Variants in CACNA1E observed in about 807,000 individuals in gnomAD.
CACNA1E encodes voltage-dependent R-type calcium channel subunit alpha-1E.
In CACNA1E, 40 loss-of-function variants were observed where a neutral mutation model predicts 259.2. That is an observed-to-expected ratio of 0.15 (90% confidence interval 0.12 to 0.20). The LOEUF (loss-of-function observed/expected upper bound fraction) is 0.20. CACNA1E is among the 10% of genes least tolerant of loss of function. The pLI, the probability that CACNA1E is intolerant of heterozygous loss-of-function variation, is 1.00. For synonymous variants in CACNA1E, 1,104 were observed against 1,138.5 expected (o/e 0.97, Z 0.61); for missense variants, 1,874 against 3,040.1 (o/e 0.62, Z 9.02).
intron 1 of CACNA1E, among the ~76,000 whole-genome samples, chr1:181,356,348 G>A (rs939558496): frequency 2.0e-5 from 3 of 152,024 alleles, no homozygotes; most frequent in Non-Finnish European, 4.4e-5. Context: ...ATTCGTGTGT[G>A]TGTGTGTGTG....
At chr1:181,434,768 A>T (rs574150962) in intron 2 of CACNA1E, among the ~76,000 whole-genome samples, 3 of 152,222 alleles carry the variant, frequency 2.0e-5, no homozygotes, top group African/African-American at 7.2e-5. Context: ...CCACCTGGTC[A>T]GGGAACACTT....
chr1:181,425,668 G>T (rs930516488), intron 2 of CACNA1E, among the ~76,000 whole-genome samples: 3 of 151,384 alleles, frequency 2.0e-5, no homozygotes, highest in African/African-American at 7.3e-5. Context: ...GGAGGTGGGC[G>T]TGGGGCACCC....
intron 1 of CACNA1E, among the ~76,000 whole-genome samples, chr1:181,355,458 C>A (rs561845579): frequency 6.6e-6 from 1 of 152,130 alleles, no homozygotes; most frequent in African/African-American, 2.4e-5. Context: ...CATGATGGCA[C>A]GTGCCTGTAA....
At position 181,803,192 on chromosome 1, in the gene CACNA1E, C is replaced by G. The variant is rs966373672; in HGVS notation, c.*4358C>G. On this transcript the variant is annotated 3_prime_UTR_variant, in exon 48 of 48. Coordinates refer to ENST00000367573, the MANE Select transcript of CACNA1E (RefSeq NM_001205293.3). Reference sequence around the variant, plus strand: ...GCCTACAAGTCCTTCTCTCATAGATCCCAGAGCAATGGGCACCGTCCAGGA... The same window carrying G: ...GCCTACAAGTCCTTCTCTCATAGATGCCAGAGCAATGGGCACCGTCCAGGA... 2 of 152,122 alleles carry G rather than the reference C, an allele frequency of 1.3e-5. No individual in the cohort carries two copies. Among genetic ancestry groups the G allele is most frequent in the African/African-American group, 4.8e-5 (2 of 41,392 alleles). The allele number at this position is 152,122 out of a possible 1,614,324, so 9.4% of individuals were successfully genotyped here. A position where few individuals can be genotyped will look rare whatever the true frequency, so the allele number is the denominator to read the frequency against.
At chr1:181,656,735 T>C (rs1659238547) in intron 7 of CACNA1E, among the ~76,000 whole-genome samples, 1 of 152,240 alleles carries the variant, frequency 6.6e-6, no homozygotes, top group African/African-American at 2.4e-5. Context: ...GCTCCATTCA[T>C]GGTAAGTGCT....
intron 2 of CACNA1E, among the ~76,000 whole-genome samples, chr1:181,438,740 A>C (rs1053013602): frequency 6.6e-6 from 1 of 152,254 alleles, no homozygotes; most frequent in Non-Finnish European, 1.5e-5. Flanking sequence ...TGGTGGGAGC[A>C]TAACTGGTAC....
At chr1:181,428,906 G>C (rs369391747) in intron 2 of CACNA1E, among the ~76,000 whole-genome samples, 1 of 152,214 alleles carries the variant, frequency 6.6e-6, no homozygotes, top group Admixed American at 6.5e-5. Context: ...AGGAGGCCGG[G>C]TGCGGTGGCT....
intron 25 of CACNA1E, among the ~76,000 whole-genome samples, chr1:181,742,769 G>A (rs1656698707): frequency 6.6e-6 from 1 of 152,172 alleles, no homozygotes; most frequent in African/African-American, 2.4e-5. Flanking sequence ...CACCATGTAT[G>A]TTTTCTACAA....
chr1:181,578,603 T>C (rs933879854), intron 4 of CACNA1E, among the ~76,000 whole-genome samples: 1 of 152,222 alleles, frequency 6.6e-6, no homozygotes, highest in African/African-American at 2.4e-5. Context: ...ATGATTTATT[T>C]AGCCATTTTT....
intron 2 of CACNA1E, among the ~76,000 whole-genome samples, chr1:181,428,157 G>A (rs150071251): frequency 5.9e-5 from 9 of 152,230 alleles, no homozygotes; most frequent in East Asian, 5.8e-4. Context: ...CTCACTCTCC[G>A]GAGGACTGGC....
chr1:181,739,432 C>G (rs911566106), intron 25 of CACNA1E, among the ~76,000 whole-genome samples, 179 bp downstream of exon 25: 1 of 152,148 alleles, frequency 6.6e-6, no homozygotes, highest in African/African-American at 2.4e-5. Context: ...CTCCAGCTCA[C>G]GTGACCTGAG....
chr1:181,499,223 T>C (rs1376695913), intron 1 of CACNA1E, among the ~76,000 whole-genome samples: 5 of 152,216 alleles, frequency 3.3e-5, no homozygotes, highest in African/African-American at 7.2e-5. Context: ...GGCTCTTCAG[T>C]AGCCCTAAGA....
At chr1:181,431,482 CAGTTAAA>C (rs1186139405) in intron 2 of CACNA1E, among the ~76,000 whole-genome samples, 27 of 152,276 alleles carry the variant, frequency 1.8e-4, no homozygotes, top group African/African-American at 6.3e-4. Flanking sequence ...GGGTTGCAGA[CAGTTAAA>C]AGTTAAAGAA....
chr1:181,566,268 C>T (rs191882994), intron 3 of CACNA1E, among the ~76,000 whole-genome samples: 32 of 152,322 alleles, frequency 2.1e-4, no homozygotes, highest in Admixed American at 1.2e-3. Flanking sequence ...TCTCAGTGAC[C>T]TGGAGCTAGC....
chr1:181,631,958 A>C (rs920183064), intron 6 of CACNA1E, among the ~76,000 whole-genome samples: 4 of 152,210 alleles, frequency 2.6e-5, no homozygotes, highest in Non-Finnish European at 5.9e-5. Flanking sequence ...ACTGGAACTC[A>C]GATTTTCAGG....
At chr1:181,681,414 G>T (rs905422037) in intron 7 of CACNA1E, among the ~76,000 whole-genome samples, 2 of 152,102 alleles carry the variant, frequency 1.3e-5, no homozygotes, top group Non-Finnish European at 2.9e-5. Context: ...TCCTTATCTG[G>T]TCTGCAAATT....
In CACNA1E at chr1:181,483,574, C is replaced by G. The variant is rs1234343449; in HGVS notation, c.-171C>G. Reference sequence around the variant, plus strand: ...ATTTAGATTCAACAGTTCACAGCGGCGGGCTGCTGCTGCTGCCTCTCCGAA... The same window carrying G: ...ATTTAGATTCAACAGTTCACAGCGGGGGGCTGCTGCTGCTGCCTCTCCGAA... On this transcript the variant is annotated 5_prime_UTR_variant, in exon 1 of 48. Transcript: ENST00000367573. 7.1e-6 allele frequency: 3 copies of G among 419,876 alleles called. No individual in the cohort carries two copies. The highest frequency in any genetic ancestry group is 1.3e-5 in the Non-Finnish European group (3 of 237,054). The allele number at this position is 419,876 out of a possible 1,614,324, so 26.0% of individuals were successfully genotyped here.
intron 3 of CACNA1E, among the ~76,000 whole-genome samples, chr1:181,545,879 TC>T (rs1647395679): frequency 6.6e-6 from 1 of 152,154 alleles, no homozygotes; most frequent in African/African-American, 2.4e-5. Flanking sequence ...TCTTTGCTGT[TC>T]CTTCAGGAGT....
At chr1:181,725,011 TCAATGAAGCC>T (rs1654767493) in intron 17 of CACNA1E, among the ~76,000 whole-genome samples, 2 of 152,336 alleles carry the variant, frequency 1.3e-5, no homozygotes, top group South Asian at 4.1e-4. Flanking sequence ...TGGGGAAATT[TCAATGAAGCC>T]AGATACTAAA....
Sources: allele counts gnomAD v4.1 joint callset (sites outside exome capture counted in the v4.1 genomes callset), GRCh38; gene constraint gnomAD v4.1.1; transcripts MANE v1.5; gene names NCBI Gene and HGNC (gene_info 2026-07-23, HGNC 2026-07-21).